GALNT9: variants seen among roughly 807,000 people sequenced by gnomAD.
GALNT9 encodes the protein polypeptide N-acetylgalactosaminyltransferase 9, also known as GalNAc transferase 9.
A neutral mutation model predicts 63.1 loss-of-function variants in GALNT9; 47 were observed. That is an observed-to-expected ratio of 0.75 (90% CI 0.59 to 0.95). The LOEUF is 0.95. GALNT9 is among the 40% of genes least tolerant of loss of function. The pLI is 0.00. For synonymous variants in GALNT9, 396 were observed against 365.7 expected, an observed-to-expected ratio of 1.08 and a Z score of -0.94; for missense variants, 829 against 874.8, an observed-to-expected ratio of 0.95 and a Z score of 0.66.
chr12:132,319,660 C>T lies in GALNT9; in HGVS notation c.238+9306G>A, dbSNP rs782356241. On this transcript the variant is annotated intron_variant, in intron 1 of 10. Coordinates refer to ENST00000328957, the MANE Select transcript of GALNT9 (RefSeq NM_001122636.2). This position sits in a 1 kb window ranked among gnomAD's most constrained non-coding sequence, Gnocchi z 5.2. ...CTAGCTGAGTTTGCTTTTCAACAGGCCTTTCCGTCTGGGGCAGGTCAACAC... is the reference window on the plus strand; with the variant it reads ...CTAGCTGAGTTTGCTTTTCAACAGGTCTTTCCGTCTGGGGCAGGTCAACAC... Among the ~76,000 whole-genome samples, 1 of 151,928 alleles carries T rather than the reference C, an allele frequency of 6.6e-6. No homozygotes were observed. The highest frequency in any genetic ancestry group is 6.5e-5 in the Admixed American group (1 of 15,280).
chr12:132,306,357 G>A (rs999910277), intron 1 of GALNT9, among the ~76,000 whole-genome samples: 4 of 152,232 alleles, frequency 2.6e-5, no homozygotes, highest in Non-Finnish European at 4.4e-5. Flanking sequence ...GGATGGCGAG[G>A]AGTCAGCCTG....
intron 1 of GALNT9, among the ~76,000 whole-genome samples, chr12:132,302,415 C>T (rs963869629): frequency 6.6e-6 from 1 of 152,334 alleles, no homozygotes; most frequent in East Asian, 1.9e-4. Flanking sequence ...ATCACTACGT[C>T]TTGAGTATTT....
intron 7 of GALNT9, among the ~76,000 whole-genome samples, chr12:132,202,590 C>T (rs748573920): frequency 5.3e-5 from 8 of 152,066 alleles, no homozygotes; most frequent in Non-Finnish European, 1.0e-4. Context: ...GTACACAAAG[C>T]GCTGTATGTG....
intron 6 of GALNT9, among the ~76,000 whole-genome samples, chr12:132,224,793 T>C (rs1277161508): frequency 0.036 from 3,378 of 94,980 alleles, 149 homozygotes; most frequent in African/African-American, 0.13. Flanking sequence ...ATACATCTCA[T>C]ACACACACCC....
At chr12:132,198,259 C>A (rs1315720983) in intron 9 of GALNT9, among the ~76,000 whole-genome samples, 2 of 152,254 alleles carry the variant, frequency 1.3e-5, no homozygotes, top group Non-Finnish European at 2.9e-5. Flanking sequence ...CGCGGCCCCA[C>A]TCGTTTCGGG....
At chr12:132,226,771 CATACACATCCCACACATACACCCCAT>C (rs1877708228) in intron 6 of GALNT9, among the ~76,000 whole-genome samples, 3 of 149,314 alleles carry the variant, frequency 2.0e-5, no homozygotes, top group African/African-American at 7.4e-5. Context: ...ACACACTGTA[CATACACATCCCACACATACACCCCAT>C]ATACACACCC....
chr12:132,247,596 T>A (rs782472761), intron 6 of GALNT9: 4 of 541,238 alleles, frequency 7.4e-6, no homozygotes, highest in South Asian at 6.1e-5. Context: ...CCTCACCCTG[T>A]CCCCGGACAC....
chr12:132,203,367 TGCACCTGTGC>T, intron 7 of GALNT9, 128 bp downstream of exon 7: 1 of 694,566 alleles, frequency 1.4e-6, no homozygotes, highest in African/African-American at 1.8e-5. Context: ...CACAACTGCT[TGCACCTGTGC>T]ACACCTGTCA....
chr12:132,328,353 C>T (rs1201519539), intron 1 of GALNT9, among the ~76,000 whole-genome samples: 1 of 152,168 alleles, frequency 6.6e-6, no homozygotes, highest in Non-Finnish European at 1.5e-5. Context: ...CCTGCATGAT[C>T]CTCAACTCCA....
At chr12:132,198,173 G>C (rs960158615) in intron 9 of GALNT9, among the ~76,000 whole-genome samples, 3 of 152,244 alleles carry the variant, frequency 2.0e-5, no homozygotes, top group African/African-American at 4.8e-5. Flanking sequence ...ATGCTCCGCA[G>C]GGCCAGGCTC....
At chr12:132,268,177 A>G (rs1879723410) in intron 2 of GALNT9, among the ~76,000 whole-genome samples, 1 of 150,548 alleles carries the variant, frequency 6.6e-6, no homozygotes, top group African/African-American at 2.5e-5. Context: ...TCTCAAACCC[A>G]TACATGTACT....
chr12:132,325,286 G>A (rs931347410), intron 1 of GALNT9, among the ~76,000 whole-genome samples: 3 of 152,198 alleles, frequency 2.0e-5, no homozygotes, highest in Non-Finnish European at 4.4e-5. Flanking sequence ...AAACCCTCTC[G>A]CTTGCTCACT....
chr12:132,254,211 A>G lies in GALNT9; in HGVS notation c.959+3478T>C, dbSNP rs557557404. 1.4e-4 allele frequency among the ~76,000 whole-genome samples: 22 copies of G among 152,072 alleles called. No individual in the cohort carries two copies. In the East Asian group the frequency reaches 3.1e-3, roughly 21 times the overall value. ...GAATTTTTGTATTTTTAGTAGAGACAGGGTTTTGCCAGGCTAGGAACTCCT... is the reference window on the plus strand; with the variant it reads ...GAATTTTTGTATTTTTAGTAGAGACGGGGTTTTGCCAGGCTAGGAACTCCT... On this transcript the variant is annotated intron_variant, in intron 5 of 10. Coordinates refer to ENST00000328957, the MANE Select transcript of GALNT9 (RefSeq NM_001122636.2).
intron 5 of GALNT9, among the ~76,000 whole-genome samples, chr12:132,251,252 G>A (rs1346940183): frequency 6.6e-6 from 1 of 152,210 alleles, no homozygotes; most frequent in Admixed American, 6.5e-5. Context: ...TTTGGTTTCA[G>A]TCAACACTTG....
At chr12:132,312,253 C>A (rs531396649) in intron 1 of GALNT9, among the ~76,000 whole-genome samples, 2 of 152,168 alleles carry the variant, frequency 1.3e-5, no homozygotes, top group African/African-American at 4.8e-5. Context: ...TTGTGTTCAA[C>A]GAATATGAAT....
chr12:132,204,616 A>AG (rs1876514125), intron 6 of GALNT9, among the ~76,000 whole-genome samples: 1 of 152,008 alleles, frequency 6.6e-6, no homozygotes, highest in Admixed American at 6.6e-5. Context: ...CGGTACCCTC[A>AG]GCCCCCGTAA....
chr12:132,196,795 C>A lies in GALNT9; in HGVS notation c.*312G>T. ...CTATGGGGCGTGGGGGGCTGTGGTA[C>A]ATGCAGAGGCGGCGGCTGTCCCAGC... On this transcript the variant is annotated 3_prime_UTR_variant, in exon 11 of 11. Coordinates refer to ENST00000328957, the MANE Select transcript of GALNT9 (RefSeq NM_001122636.2). 1.8e-6 allele frequency: 2 copies of A among 1,134,744 alleles called. No individual in the cohort carries two copies. The highest frequency in any genetic ancestry group is 2.2e-6 in the Non-Finnish European group (2 of 921,454). The allele number at this position is 1,134,744 out of a possible 1,614,324, so 70.3% of individuals were successfully genotyped here.
chr12:132,240,637 T>C (rs1212980275), intron 6 of GALNT9: 3 of 449,870 alleles, frequency 6.7e-6, no homozygotes, highest in African/African-American at 6.2e-5. Flanking sequence ...TCTATGGGCC[T>C]CGGACCTGCT....
At chr12:132,276,136 G>A (rs1238930081) in intron 2 of GALNT9, 1 of 152,320 alleles carries the variant, frequency 6.6e-6, no homozygotes, top group African/African-American at 2.4e-5. Flanking sequence ...GAGAGGCCGG[G>A]AGAGCTGCTT....
Sources: gnomAD v4.1 joint callset for allele counts (sites outside exome capture counted in the v4.1 genomes callset) on GRCh38, gnomAD v4.1.1 for gene constraint, Gnocchi (gnomAD v3.1) non-coding constraint, MANE v1.5 for transcripts, NCBI Gene and HGNC (gene_info 2026-07-23, HGNC 2026-07-21) for gene names.